Variants in PCDHGB6 observed in about 807,000 individuals in gnomAD.
PCDHGB6 encodes protocadherin gamma-B6.
A neutral mutation model predicts 59.1 loss-of-function variants in PCDHGB6; 51 were observed. That is an observed-to-expected ratio of 0.86 (90% CI 0.69 to 1.09). PCDHGB6 has a LOEUF of 1.09. PCDHGB6 is among the 50% of genes least tolerant of loss of function. PCDHGB6 has a pLI of 0.00. For missense variants in PCDHGB6, 1,148 were observed against 1,205.1 expected, an observed-to-expected ratio of 0.95 and a Z score of 0.70; for synonymous variants, 466 against 495.1, an observed-to-expected ratio of 0.94 and a Z score of 0.78.
chr5:141,443,457 G>C (rs977253701), intron 1 of PCDHGB6, among the ~76,000 whole-genome samples: 12 of 152,194 alleles, frequency 7.9e-5, no homozygotes, highest in Non-Finnish European at 1.3e-4. Flanking sequence ...CTGTACTCCA[G>C]TCTGGGTGAC....
In PCDHGB6 at chr5:141,476,374, GTTTGTGAACGACCGTC is replaced by G. The variant is rs1424626307; in HGVS notation, c.2419-18431_2419-18416del. 1 of 1,614,060 alleles carries G rather than the reference GTTTGTGAACGACCGTC, an allele frequency of 6.2e-7. No individual in the cohort carries two copies. The highest frequency in any genetic ancestry group is 1.3e-5 in the African/African-American group (1 of 74,922). Reference sequence around the variant, plus strand: ...AGGTGAACCGGGAGACCGGAGAGATGTTTGTGAACGACCGTCTGGATCGAGAGGAGCTGTGTGGGAC... The same window carrying G: ...AGGTGAACCGGGAGACCGGAGAGATGTGGATCGAGAGGAGCTGTGTGGGAC... On this transcript the variant is annotated intron_variant, in intron 1 of 3. Coordinates refer to ENST00000520790, the MANE Select transcript of PCDHGB6 (RefSeq NM_018926.3). The surrounding 1 kb of genome is among the most constrained non-coding windows in gnomAD (Gnocchi z 7.6).
chr5:141,500,062 TAA>T (rs1314388217), intron 2 of PCDHGB6, among the ~76,000 whole-genome samples: 1 of 152,144 alleles, frequency 6.6e-6, no homozygotes, highest in East Asian at 1.9e-4. Flanking sequence ...TCTTTTAATG[TAA>T]AAGACTTCCC....
rs1327490895 is a variant in PCDHGB6, at chr5:141,487,672, G to A, written c.2419-7135G>A. The stretch of plus-strand genomic sequence containing the variant: ...AGGGTTATTCTGATCCAGGCATATG[G>A]CTAGGCCATGTCCTAGAGAGTACTG... On this transcript the variant is annotated intron_variant, in intron 1 of 3. Coordinates refer to ENST00000520790, the MANE Select transcript of PCDHGB6 (RefSeq NM_018926.3). This position sits in a 1 kb window ranked among gnomAD's most constrained non-coding sequence, Gnocchi z 5.0. 6.2e-7 allele frequency: 1 copy of A among 1,611,484 alleles called. No individual in the cohort carries two copies. Among genetic ancestry groups the A allele is most frequent in the Non-Finnish European group, 8.5e-7 (1 of 1,178,612 alleles).
chr5:141,421,533 C>T (rs80184002), intron 1 of PCDHGB6: 1 of 1,614,044 alleles, frequency 6.2e-7, no homozygotes, highest in African/African-American at 1.3e-5. Flanking sequence ...CGGTGTCCTC[C>T]TGTTTTTTAA....
chr5:141,466,573 C>T (rs2099125317), intron 1 of PCDHGB6, among the ~76,000 whole-genome samples: 1 of 152,104 alleles, frequency 6.6e-6, no homozygotes, highest in South Asian at 2.1e-4. Context: ...TCAACATTGT[C>T]TCATCCCTTC....
chr5:141,452,278 T>C (rs1047687328), intron 1 of PCDHGB6, among the ~76,000 whole-genome samples: 1 of 152,226 alleles, frequency 6.6e-6, no homozygotes, highest in African/African-American at 2.4e-5. Context: ...AACCCTTTCT[T>C]ACTTTCTGAT....
chr5:141,442,052 G>T (rs2098295034), intron 1 of PCDHGB6: 1 of 197,576 alleles, frequency 5.1e-6, no homozygotes, highest in South Asian at 6.6e-5. Flanking sequence ...TACTGGTCGC[G>T]GTGCACTGCG....
intron 1 of PCDHGB6, chr5:141,419,910 C>A (rs539905795): frequency 1.9e-6 from 3 of 1,613,968 alleles, no homozygotes; most frequent in Non-Finnish European, 2.5e-6. Flanking sequence ...CCCTCTGACT[C>A]CCAGGCTGAG....
chr5:141,408,211 G>A lies in PCDHGB6; in HGVS notation c.9G>A (p.Gly3=), dbSNP rs1285774248. 1 of 1,554,426 alleles carries A rather than the reference G, an allele frequency of 6.4e-7. No individual in the cohort carries two copies. Among genetic ancestry groups the A allele is most frequent in the South Asian group, 1.2e-5 (1 of 84,754 alleles). ...GAGAACCCGAGCGAACGATGGGAGG[G>A]AGCTGCGCGCAGAGGCGCCGGGCCG... MG[G]SCAQRRRAGP... Residue 3 remains glycine, a synonymous_variant, in exon 1 of 4, where the codon GGG becomes GGA. Coordinates refer to ENST00000520790, the MANE Select transcript of PCDHGB6 (RefSeq NM_018926.3).
chr5:141,408,667 C>T lies in PCDHGB6; in HGVS notation c.465C>T (p.Asp155=). Residue 155 remains aspartate (D), a synonymous_variant, in exon 1 of 4, where the codon GAC becomes GAT. Coordinates refer to ENST00000520790, the MANE Select transcript of PCDHGB6 (RefSeq NM_018926.3). ...SASAGTRLSL[D]PATDPDININ... The stretch of plus-strand genomic sequence containing the variant: ...CCGCTGGTACACGACTATCGCTTGA[C>T]CCTGCCACGGATCCTGATATAAACA... 1 of 1,613,954 alleles carries T rather than the reference C, an allele frequency of 6.2e-7. No individual in the cohort carries two copies. Among genetic ancestry groups the T allele is most frequent in the Non-Finnish European group, 8.5e-7 (1 of 1,179,870 alleles).
In PCDHGB6 at chr5:141,432,115, C is replaced by G. The variant is rs753088299; in HGVS notation, c.2418+21495C>G. On this transcript the variant is annotated intron_variant, in intron 1 of 3. Transcript: ENST00000520790. This position sits in a 1 kb window ranked among gnomAD's most constrained non-coding sequence, Gnocchi z 6.0. ...ACACCAACGACAACCCGCCGGTCTT[C>G]CCTCAGGCCTCCTATTCCGCTTATA... The G allele has an allele frequency of 1.2e-5, 20 of 1,614,178 alleles. No individual in the cohort carries two copies. Among genetic ancestry groups the G allele is most frequent in the Non-Finnish European group, 1.6e-5 (19 of 1,180,050 alleles).
At chr5:141,503,309 A>G (rs2099819130) in intron 2 of PCDHGB6, among the ~76,000 whole-genome samples, 1 of 152,034 alleles carries the variant, frequency 6.6e-6, no homozygotes, top group Non-Finnish European at 1.5e-5. Flanking sequence ...TCAAGAAAGA[A>G]TTGTTGGAGG....
Position 141,511,250 on chromosome 5 carries a change from CAG to C in PCDHGB6, c.*80_*81del. 2 of 1,571,674 alleles carry C rather than the reference CAG, an allele frequency of 1.3e-6. No homozygotes were observed. Among genetic ancestry groups the C allele is most frequent in the Non-Finnish European group, 1.7e-6 (2 of 1,158,794 alleles). On this transcript the variant is annotated 3_prime_UTR_variant, in exon 4 of 4. Transcript: ENST00000520790. ...CTTCTCCTTACCTGCACCCAGGCCT[CAG>C]AGTTTCAGGGCTAACCCCCAGAATA...
chr5:141,408,316 G>A lies in PCDHGB6; in HGVS notation c.114G>A (p.Pro38=), dbSNP rs1407149479. The change falls in exon 1 of 4, where the codon CCG becomes CCA. Residue 38 remains proline, a synonymous_variant. Transcript: ENST00000520790. The part of the protein sequence containing the change: ...TLSEPIRYSI[P]EELAKGSVVG... ...GTGAGCCGATCCGCTACTCGATTCC[G>A]GAGGAGCTGGCCAAGGGCTCGGTGG... 3 of 1,613,750 alleles carry A rather than the reference G, an allele frequency of 1.9e-6. No individual in the cohort carries two copies. Among genetic ancestry groups the A allele is most frequent in the African/African-American group, 1.3e-5 (1 of 74,944 alleles).
In PCDHGB6 at chr5:141,489,242, TG is replaced by T; in HGVS notation, c.2419-5561del. 6.5e-7 allele frequency: 1 copy of T among 1,534,498 alleles called. No homozygotes were observed. The highest frequency in any genetic ancestry group is 2.3e-5 in the East Asian group (1 of 44,312). On this transcript the variant is annotated intron_variant, in intron 1 of 3. Transcript: ENST00000520790. The surrounding 1 kb of genome is among the most constrained non-coding windows in gnomAD (Gnocchi z 4.5). ...TCTCCACAAAGGGACTTCTGGGTCA[TG>T]GGGCCCAAGACACTCCCACAGCTCG...
chr5:141,433,641 G>T (rs1177387884), intron 1 of PCDHGB6, among the ~76,000 whole-genome samples: 1 of 152,104 alleles, frequency 6.6e-6, no homozygotes, highest in Admixed American at 6.5e-5. Flanking sequence ...TTTGAGACCA[G>T]CCTGACCAAC....
intron 1 of PCDHGB6, among the ~76,000 whole-genome samples, chr5:141,446,120 T>C (rs2098489182): frequency 6.6e-6 from 1 of 152,196 alleles, no homozygotes; most frequent in Admixed American, 6.5e-5. Flanking sequence ...AGGAAATGGG[T>C]TCAATAAGAC....
At chr5:141,473,335 C>T (rs1243738475) in intron 1 of PCDHGB6, among the ~76,000 whole-genome samples, 3 of 152,184 alleles carry the variant, frequency 2.0e-5, no homozygotes, top group Non-Finnish European at 4.4e-5. Context: ...GCCTGCTGTG[C>T]TAGACAGTGA....
chr5:141,458,496 A>T (rs905073741), intron 1 of PCDHGB6, among the ~76,000 whole-genome samples: 1 of 151,694 alleles, frequency 6.6e-6, no homozygotes, highest in Non-Finnish European at 1.5e-5. Flanking sequence ...CTGCCTGTAC[A>T]TACTGTTTGA....
Sources: gnomAD v4.1 joint callset for allele counts (sites outside exome capture counted in the v4.1 genomes callset) on GRCh38, gnomAD v4.1.1 for gene constraint, Gnocchi (gnomAD v3.1) non-coding constraint, MANE v1.5 for transcripts, NCBI Gene and HGNC (gene_info 2026-07-23, HGNC 2026-07-21) for gene names.